Variants in DOCK1 observed in about 807,000 individuals in gnomAD.
The protein encoded by DOCK1 is dedicator of cytokinesis 1, also known as dedicator of cytokinesis protein 1.
A neutral mutation model predicts 262.7 loss-of-function variants in DOCK1; 138 were observed. The ratio of observed to expected loss-of-function variants is 0.53; its 90% CI spans 0.46 to 0.61. DOCK1 has a LOEUF of 0.61. Among genes scored for constraint, DOCK1 ranks in the 20% least tolerant of loss-of-function variants. The pLI is 0.00. For missense variants in DOCK1, 1,908 were observed against 2,370.7 expected, an observed-to-expected ratio of 0.80 and a Z score of 4.05; for synonymous variants, 866 against 867.4, an observed-to-expected ratio of 1.00 and a Z score of 0.03.
chr10:126,992,748 A>ACACT (rs1453736763), intron 6 of DOCK1, among the ~76,000 whole-genome samples: 6 of 143,584 alleles, frequency 4.2e-5, no homozygotes, highest in African/African-American at 1.0e-4. Context: ...ACACACACAC[A>ACACT]CACACACACA....
chr10:127,375,714 T>G (rs778415605), intron 35 of DOCK1, among the ~76,000 whole-genome samples: 24 of 152,242 alleles, frequency 1.6e-4, no homozygotes, highest in Non-Finnish European at 2.5e-4. Flanking sequence ...GCTGGACAGC[T>G]TGTTTAGGCT....
At chr10:127,366,529 G>A (rs1263369491) in intron 33 of DOCK1, among the ~76,000 whole-genome samples, 1 of 152,104 alleles carries the variant, frequency 6.6e-6, no homozygotes, top group Non-Finnish European at 1.5e-5. Context: ...AATCACCATT[G>A]CACTAGTCCA....
intron 29 of DOCK1, among the ~76,000 whole-genome samples, chr10:127,259,449 A>G (rs1202047384): frequency 6.6e-6 from 1 of 152,240 alleles, no homozygotes; most frequent in East Asian, 1.9e-4. Flanking sequence ...CACATCAGCA[A>G]CAATAATCAA....
At chr10:127,051,617 T>C (rs2044727645) in intron 21 of DOCK1, among the ~76,000 whole-genome samples, 1 of 152,224 alleles carries the variant, frequency 6.6e-6, no homozygotes, top group South Asian at 2.1e-4. Flanking sequence ...GGTTTCACTC[T>C]TGTCGTCCAT....
intron 23 of DOCK1, among the ~76,000 whole-genome samples, chr10:127,075,381 TC>T (rs929928175): frequency 3.9e-5 from 6 of 151,928 alleles, no homozygotes; most frequent in Non-Finnish European, 8.8e-5. Flanking sequence ...AAGTGACCCT[TC>T]CGCCTCAGCT....
chr10:127,068,311 T>G (rs1262424947), intron 23 of DOCK1, among the ~76,000 whole-genome samples: 1 of 152,176 alleles, frequency 6.6e-6, no homozygotes, highest in Non-Finnish European at 1.5e-5. Context: ...ACATAGAACT[T>G]TACTGTCCTC....
At chr10:127,179,148 T>G (rs1000742435) in intron 27 of DOCK1, among the ~76,000 whole-genome samples, 1 of 152,246 alleles carries the variant, frequency 6.6e-6, no homozygotes. Context: ...AAGTTTGTCC[T>G]GCCATGCTAT....
rs1051017 is a variant in DOCK1 at position 127,439,123 on chromosome 10, G to A, written c.5157G>A (p.Lys1719=). ...DDLEKEKKDK[K]KEKRNSKHQE... is the part of the protein sequence containing the mutation. ...TGGAGAAGGAGAAGAAGGACAAGAA[G>A]AAGGAAAAAAGGAACAGCAAACATC... The change falls in exon 49 of 52, where the codon AAG becomes AAA. Residue 1719 remains lysine, a synonymous_variant. Transcript: ENST00000623213. 2.5e-6 allele frequency: 4 copies of A among 1,594,582 alleles called. No individual in the cohort carries two copies. The highest frequency in any genetic ancestry group is 2.6e-6 in the Non-Finnish European group (3 of 1,170,356).
intron 21 of DOCK1, 131 bp downstream of exon 21, chr10:127,043,295 A>T: frequency 8.4e-6 from 6 of 716,872 alleles, no homozygotes; most frequent in Non-Finnish European, 1.4e-5. Context: ...TACTGGAATA[A>T]TTTTTAGTAT....
intron 1 of DOCK1, among the ~76,000 whole-genome samples, chr10:126,905,852 C>T (rs1054580620): frequency 2.6e-5 from 4 of 151,958 alleles, no homozygotes; most frequent in African/African-American, 7.2e-5. Context: ...GACGCCCGCT[C>T]CTCTGGACCT....
At chr10:127,118,019 A>G (rs766516195) in intron 25 of DOCK1, among the ~76,000 whole-genome samples, 6 of 152,198 alleles carry the variant, frequency 3.9e-5, no homozygotes, top group African/African-American at 4.8e-5. Context: ...GGGTTTTGAC[A>G]TATGTATTTT....
chr10:127,001,407 G>A (rs1190320946), intron 10 of DOCK1: 1 of 152,140 alleles, frequency 6.6e-6, no homozygotes, highest in Non-Finnish European at 1.5e-5. Flanking sequence ...CCCATTATCA[G>A]TATCCACCAT....
At chr10:127,420,895 CAGTTTATT>C (rs2068465275) in intron 46 of DOCK1, among the ~76,000 whole-genome samples, 1 of 109,418 alleles carries the variant, frequency 9.1e-6, no homozygotes, top group Admixed American at 8.1e-5. Context: ...TCACCGTGAG[CAGTTTATT>C]TGTTTGTTTG....
intron 32 of DOCK1, among the ~76,000 whole-genome samples, chr10:127,361,392 G>A (rs996624673): frequency 1.3e-5 from 2 of 152,132 alleles, no homozygotes; most frequent in Admixed American, 6.5e-5. Context: ...GGGATTACAG[G>A]CGTGAGCCAC....
intron 17 of DOCK1, 117 bp downstream of exon 17, chr10:127,031,870 T>A: frequency 1.0e-6 from 1 of 984,468 alleles, no homozygotes; most frequent in Non-Finnish European, 1.5e-6. Flanking sequence ...TAGCTACATT[T>A]AATTATGCAA....
At chr10:127,357,059 G>T (rs558675501) in intron 32 of DOCK1, among the ~76,000 whole-genome samples, 50 of 151,812 alleles carry the variant, frequency 3.3e-4, no homozygotes, top group Non-Finnish European at 5.4e-4. Flanking sequence ...CCTTCTCCCC[G>T]TACACAACTG....
rs144239339 is a variant in DOCK1, at chr10:126,926,137, C to T, written c.46+20574C>T. Among the ~76,000 whole-genome samples the T allele has an allele frequency of 6.7e-3, 1,018 of 152,160 alleles. 7 individuals are homozygous for T. The highest frequency in any genetic ancestry group is 0.031 in the Middle Eastern group (9 of 292). On this transcript the variant is annotated intron_variant, in intron 1 of 51. Coordinates refer to ENST00000623213, the MANE Select transcript of DOCK1 (RefSeq NM_001290223.2). The stretch of plus-strand genomic sequence containing the variant: ...GGGGTAAAATGTTCAGCATCGTGCC[C>T]GACACCTGGTAGCCACCTGCTACAT...
chr10:127,445,292 C>G (rs571186771), intron 50 of DOCK1, among the ~76,000 whole-genome samples: 1 of 152,268 alleles, frequency 6.6e-6, no homozygotes, highest in South Asian at 2.1e-4. Context: ...CAGGAGAGCT[C>G]TGTGCCCTGT....
chr10:127,261,051 A>ATG (rs61723661), intron 29 of DOCK1, among the ~76,000 whole-genome samples: 1 of 94,264 alleles, frequency 1.1e-5, no homozygotes, highest in African/African-American at 4.5e-5. Context: ...ACCCGTGCTC[A>ATG]TGTGTGTGTG....
Sources: gnomAD v4.1 joint callset for allele counts (sites outside exome capture counted in the v4.1 genomes callset) on GRCh38, gnomAD v4.1.1 for gene constraint, MANE v1.5 for transcripts, NCBI Gene and HGNC (gene_info 2026-07-23, HGNC 2026-07-21) for gene names.